The following MSI2 variants were observed in gnomAD, a reference collection of about 807,000 sequenced individuals.
MSI2 encodes RNA-binding protein Musashi homolog 2.
In MSI2, 17 loss-of-function variants were observed where a neutral mutation model predicts 45.6. That is an observed-to-expected ratio of 0.37 (90% CI 0.26 to 0.56). MSI2 has a LOEUF of 0.56. Ranked by LOEUF, MSI2 falls within the 20% of genes least tolerant of loss-of-function variation. The pLI, the probability that MSI2 is intolerant of heterozygous loss-of-function variation, is 0.77. For synonymous variants in MSI2, 156 were observed against 158.2 expected (o/e 0.99, Z 0.11); for missense variants, 293 against 444.2 (o/e 0.66, Z 3.06).
rs1041614651 is a variant in MSI2 at position 57,571,337 on chromosome 17, A to G, written c.455-25531A>G. Among the ~76,000 whole-genome samples, 5 of 152,288 alleles carry G rather than the reference A, an allele frequency of 3.3e-5. No individual in the cohort carries two copies. In the East Asian group the frequency reaches 9.7e-4, roughly 29 times the overall value. Reference sequence around the variant, plus strand: ...CGTTTGTTAAGTCTTCTCTCCCCGCATTTCAGGCTGAGGGGCCTGACCTTG... The same window carrying G: ...CGTTTGTTAAGTCTTCTCTCCCCGCGTTTCAGGCTGAGGGGCCTGACCTTG... On this transcript the variant is annotated intron_variant, in intron 7 of 13. Coordinates refer to ENST00000284073, the MANE Select transcript of MSI2 (RefSeq NM_138962.4).
intron 5 of MSI2, among the ~76,000 whole-genome samples, chr17:57,302,838 C>A (rs1319110801): frequency 6.6e-6 from 1 of 152,132 alleles, no homozygotes; most frequent in African/African-American, 2.4e-5. Flanking sequence ...GGCAGAGTCC[C>A]TGGGTGTTTG....
chr17:57,401,953 T>C (rs2084000155), intron 6 of MSI2, among the ~76,000 whole-genome samples: 1 of 152,102 alleles, frequency 6.6e-6, no homozygotes, highest in Admixed American at 6.5e-5. Context: ...TCGGAAACCA[T>C]GCGAGGCCTG....
At chr17:57,516,995 G>A (rs1250383351) in intron 6 of MSI2, among the ~76,000 whole-genome samples, 2 of 152,226 alleles carry the variant, frequency 1.3e-5, no homozygotes, top group Non-Finnish European at 2.9e-5. Flanking sequence ...TGAACAAGAA[G>A]TAACTTTGCC....
At chr17:57,431,243 CT>C (rs1466655410) in intron 6 of MSI2, among the ~76,000 whole-genome samples, 1 of 152,218 alleles carries the variant, frequency 6.6e-6, no homozygotes, top group Non-Finnish European at 1.5e-5. Flanking sequence ...CTCTCCTCCC[CT>C]GATGCTCAGA....
the MSI2 span, among the ~76,000 whole-genome samples, chr17:57,700,727 A>AC: frequency 6.6e-6 from 1 of 152,042 alleles, no homozygotes; most frequent in African/African-American, 2.4e-5. Context: ...ACATGGTGAA[A>AC]CCCCATCTCT....
rs182085171 is a variant in MSI2 at position 57,587,124 on chromosome 17, T to C, written c.455-9744T>C. ...GACAAGCCCTTCCCCCATGAGAGAT[T>C]CTGCTGCAGGACCATACCCAGAAGC... is the stretch of plus-strand genomic sequence containing the variant. On this transcript the variant is annotated intron_variant, in intron 7 of 13. Transcript: ENST00000284073. 3.3e-5 allele frequency among the ~76,000 whole-genome samples: 5 copies of C among 152,244 alleles called. No individual in the cohort carries two copies. The East Asian group carries it at 9.7e-4, about 29-fold the overall frequency.
At chr17:57,378,236 C>G (rs1164893820) in intron 5 of MSI2, among the ~76,000 whole-genome samples, 1 of 152,026 alleles carries the variant, frequency 6.6e-6, no homozygotes, top group African/African-American at 2.4e-5. Flanking sequence ...AGGCATGTAC[C>G]TCCATGTCCG....
At chr17:57,500,513 T>C (rs2086080540) in intron 6 of MSI2, among the ~76,000 whole-genome samples, 1 of 151,682 alleles carries the variant, frequency 6.6e-6, no homozygotes, top group Admixed American at 6.6e-5. Flanking sequence ...GGTTGGACAG[T>C]TGCCCGCTTG....
intron 5 of MSI2, among the ~76,000 whole-genome samples, chr17:57,270,920 A>G (rs1414767007): frequency 6.6e-6 from 1 of 152,212 alleles, no homozygotes; most frequent in Non-Finnish European, 1.5e-5. Context: ...CCTGCTCATG[A>G]GGTCCTGGCT....
intron 6 of MSI2, among the ~76,000 whole-genome samples, chr17:57,489,876 C>T (rs1280276514): frequency 2.0e-5 from 3 of 152,112 alleles, no homozygotes; most frequent in Non-Finnish European, 2.9e-5. Context: ...TGTTGTAGCT[C>T]CTGTGGGCAC....
At chr17:57,516,837 A>G (rs2086479782) in intron 6 of MSI2, among the ~76,000 whole-genome samples, 1 of 152,192 alleles carries the variant, frequency 6.6e-6, no homozygotes. Flanking sequence ...AGGATGTGTG[A>G]TGGCATGCCA....
At chr17:57,685,691 T>G (rs1276806376), downstream of MSI2, 3 of 152,320 alleles carry the variant, frequency 2.0e-5, no homozygotes, top group Non-Finnish European at 2.9e-5. Context: ...AGCACTGGGT[T>G]CCAGGCCCAC....
At chr17:57,672,826 C>G (rs900646194) in intron 11 of MSI2, among the ~76,000 whole-genome samples, 1 of 152,218 alleles carries the variant, frequency 6.6e-6, no homozygotes, top group East Asian at 1.9e-4. Context: ...ATAATACCGC[C>G]TTTTGAATAT....
At chr17:57,266,170 G>A (rs1028418723) in intron 5 of MSI2, 1 of 152,118 alleles carries the variant, frequency 6.6e-6, no homozygotes, top group Non-Finnish European at 1.5e-5. Context: ...CAGTCACAGC[G>A]GGGTGGCCAG....
intron 6 of MSI2, among the ~76,000 whole-genome samples, chr17:57,502,561 G>A (rs575510927): frequency 1.4e-5 from 2 of 139,510 alleles, no homozygotes; most frequent in East Asian, 4.3e-4. Flanking sequence ...TATTGTTGTT[G>A]TTTGAGGGAT....
chr17:57,531,500 G>A (rs756759794), intron 7 of MSI2, among the ~76,000 whole-genome samples: 9 of 152,212 alleles, frequency 5.9e-5, no homozygotes, highest in African/African-American at 2.2e-4. Context: ...TTTCTCTGCT[G>A]TGTCCAGATG....
chr17:57,567,712 C>G (rs1231356998), intron 7 of MSI2, among the ~76,000 whole-genome samples: 2 of 152,206 alleles, frequency 1.3e-5, no homozygotes, highest in African/African-American at 4.8e-5. Flanking sequence ...AGTCGGGGGT[C>G]TTCCTGGTGG....
At position 57,344,967 on chromosome 17, in the gene MSI2, G is replaced by A. The variant is rs71387496; in HGVS notation, c.313-56412G>A. ...AATCCCAGCTACTCAGGAGGCTGAG[G>A]CAGGAAAATCACTTGAACCCGGGAG... On this transcript the variant is annotated intron_variant, in intron 5 of 13. Coordinates refer to ENST00000284073, the MANE Select transcript of MSI2 (RefSeq NM_138962.4). Among the ~76,000 whole-genome samples the A allele has an allele frequency of 5.8e-3, 876 of 152,270 alleles. 6 individuals are homozygous for A. The highest frequency in any genetic ancestry group is 0.014 in the Middle Eastern group (4 of 294).
intron 5 of MSI2, among the ~76,000 whole-genome samples, chr17:57,390,908 A>T (rs192608386): frequency 3.1e-4 from 47 of 152,240 alleles, no homozygotes; most frequent in Middle Eastern, 6.8e-3. Flanking sequence ...CCTGTCTGTG[A>T]TGTTTCCCAA....
Sources: allele counts gnomAD v4.1 joint callset (sites outside exome capture counted in the v4.1 genomes callset), GRCh38; gene constraint gnomAD v4.1.1; transcripts MANE v1.5; gene names NCBI Gene and HGNC (gene_info 2026-07-23, HGNC 2026-07-21).